USP32: variants seen among roughly 807,000 people sequenced by gnomAD.
USP32 encodes ubiquitin carboxyl-terminal hydrolase 32.
Under a neutral mutation model 204.8 loss-of-function variants are expected in USP32, and 59 were observed. The ratio of observed to expected loss-of-function variants is 0.29; its 90% CI spans 0.23 to 0.36. The LOEUF is 0.36. Ranked by LOEUF, USP32 falls within the 10% of genes least tolerant of loss-of-function variation. USP32 has a pLI of 1.00. For missense variants in USP32, 1,160 were observed against 1,946.4 expected, an observed-to-expected ratio of 0.60 and a Z score of 7.60; for synonymous variants, 517 against 678.4, an observed-to-expected ratio of 0.76 and a Z score of 3.70.
chr17:60,233,771 CTCTT>C (rs1305044254), intron 12 of USP32, among the ~76,000 whole-genome samples: 10 of 152,144 alleles, frequency 6.6e-5, no homozygotes, highest in Admixed American at 6.5e-4. Flanking sequence ...AGTTCCCTGT[CTCTT>C]TATTTAGTAA....
chr17:60,264,457 G>A (rs1157653229), intron 9 of USP32, among the ~76,000 whole-genome samples: 1 of 151,762 alleles, frequency 6.6e-6, no homozygotes, highest in African/African-American at 2.4e-5. Flanking sequence ...CGAGGCTGCA[G>A]TGAGCCAAGA....
chr17:60,350,142 A>C (rs1241806268), intron 1 of USP32, among the ~76,000 whole-genome samples: 1 of 151,762 alleles, frequency 6.6e-6, no homozygotes, highest in Non-Finnish European at 1.5e-5. Flanking sequence ...CCTCCCAAGT[A>C]GGTGGGACCA....
intron 15 of USP32, among the ~76,000 whole-genome samples, chr17:60,221,186 G>C (rs1325680126): frequency 6.6e-6 from 1 of 152,038 alleles, no homozygotes; most frequent in Admixed American, 6.5e-5. Context: ...TTGAGACCAG[G>C]AGTTCGAGAC....
At chr17:60,263,737 C>A (rs1469760329) in intron 9 of USP32, among the ~76,000 whole-genome samples, 1 of 152,152 alleles carries the variant, frequency 6.6e-6, no homozygotes, top group African/African-American at 2.4e-5. Flanking sequence ...ACCTTAGTTT[C>A]TGGCAGAGAG....
intron 2 of USP32, among the ~76,000 whole-genome samples, chr17:60,314,625 T>C (rs2087930912): frequency 6.6e-6 from 1 of 152,134 alleles, no homozygotes; most frequent in Non-Finnish European, 1.5e-5. Flanking sequence ...CCAAGCTTTT[T>C]ACATACCTGT....
intron 5 of USP32, among the ~76,000 whole-genome samples, chr17:60,281,857 C>T (rs1371410252): frequency 6.6e-6 from 1 of 152,160 alleles, no homozygotes; most frequent in African/African-American, 2.4e-5. Context: ...CTAGGGCCCA[C>T]TAAATCAAAA....
chr17:60,421,894 CTG>C, intron 1 of USP32: 3 of 985,472 alleles, frequency 3.0e-6, no homozygotes, highest in Non-Finnish European at 3.6e-6. Context: ...TCAGCGCCTC[CTG>C]TGTGAAGCGG....
At chr17:60,324,304 T>TA in intron 2 of USP32, among the ~76,000 whole-genome samples, 1 of 144,876 alleles carries the variant, frequency 6.9e-6, no homozygotes, top group African/African-American at 2.7e-5. Context: ...ATATATATAT[T>TA]TTAATTAAAA....
chr17:60,375,118 A>G (rs2089514328), intron 1 of USP32, among the ~76,000 whole-genome samples: 2 of 152,158 alleles, frequency 1.3e-5, no homozygotes, highest in Non-Finnish European at 2.9e-5. Context: ...AATAAGTTTT[A>G]CAAAAGTGCT....
chr17:60,184,057 C>T (rs949115603), intron 30 of USP32, among the ~76,000 whole-genome samples: 11 of 151,612 alleles, frequency 7.3e-5, no homozygotes, highest in South Asian at 2.1e-4. Flanking sequence ...GAGGCCAAGG[C>T]GGGTGGCTCA....
chr17:60,393,687 C>G (rs993717212), upstream of USP32, among the ~76,000 whole-genome samples: 31 of 141,800 alleles, frequency 2.2e-4, no homozygotes, highest in Non-Finnish European at 3.7e-4. Flanking sequence ...CTGTGTTTTT[C>G]TTTTTTTTTT....
intron 1 of USP32, among the ~76,000 whole-genome samples, chr17:60,414,673 C>T (rs1166206957): frequency 3.3e-5 from 5 of 152,020 alleles, no homozygotes; most frequent in Non-Finnish European, 7.4e-5. Context: ...AGGAGATCCA[C>T]CCGCCTTGGC....
At chr17:60,189,583 A>T (rs1392947689) in intron 29 of USP32, among the ~76,000 whole-genome samples, 1 of 152,258 alleles carries the variant, frequency 6.6e-6, no homozygotes, top group Admixed American at 6.5e-5. Context: ...TGCCTGAGGC[A>T]AACATTTTTA....
intron 5 of USP32, among the ~76,000 whole-genome samples, chr17:60,275,901 C>A (rs1252546424): frequency 6.8e-6 from 1 of 147,506 alleles, no homozygotes; most frequent in Non-Finnish European, 1.5e-5. Flanking sequence ...TTAGTAGAGA[C>A]CTTGTCTCTA....
At chr17:60,245,892 TA>T (rs539058839) in intron 11 of USP32, among the ~76,000 whole-genome samples, 126 of 151,464 alleles carry the variant, frequency 8.3e-4, no homozygotes, top group African/African-American at 2.0e-3. Flanking sequence ...ATATTTCTAT[TA>T]AAAAATTATA....
At position 60,288,082 on chromosome 17, in the gene USP32, C is replaced by T. The variant is rs546820746; in HGVS notation, c.571+441G>A. Reference sequence around the variant, plus strand: ...TGAGCCGAGATCACACCACTGTACTCGAGGCTGGGCAACAGAGGGAGACTT... The same window carrying T: ...TGAGCCGAGATCACACCACTGTACTTGAGGCTGGGCAACAGAGGGAGACTT... On this transcript the variant is annotated intron_variant, in intron 5 of 33. Coordinates refer to ENST00000300896, the MANE Select transcript of USP32 (RefSeq NM_032582.4). Among the ~76,000 whole-genome samples, 10 of 126,230 alleles carry T rather than the reference C, an allele frequency of 7.9e-5. No individual in the cohort carries two copies. In the East Asian group the frequency reaches 1.4e-3, roughly 18 times the overall value. The allele number at this position is 126,230 out of a possible 152,430, so 82.8% of individuals were successfully genotyped here.
chr17:60,253,142 G>C (rs1032657661), intron 10 of USP32, among the ~76,000 whole-genome samples: 4 of 152,110 alleles, frequency 2.6e-5, no homozygotes, highest in African/African-American at 9.7e-5. Context: ...CAAGTCCTTA[G>C]TAAGAATGAC....
At chr17:60,202,702 T>A (rs1178606764) in intron 26 of USP32, among the ~76,000 whole-genome samples, 3 of 151,592 alleles carry the variant, frequency 2.0e-5, no homozygotes, top group Non-Finnish European at 4.4e-5. Context: ...TCTCAGCATT[T>A]AATTTTTTTG....
At chr17:60,420,390 G>A (rs1307858276) in intron 1 of USP32, among the ~76,000 whole-genome samples, 2 of 152,114 alleles carry the variant, frequency 1.3e-5, no homozygotes, top group African/African-American at 2.4e-5. Context: ...TTTCCTGGCC[G>A]GACGCGGTGG....
Sources: allele counts gnomAD v4.1 joint callset (sites outside exome capture counted in the v4.1 genomes callset), GRCh38; gene constraint gnomAD v4.1.1; transcripts MANE v1.5; gene names NCBI Gene and HGNC (gene_info 2026-07-23, HGNC 2026-07-21).